The following PCDHGA2 variants were observed in gnomAD, a reference collection of about 807,000 sequenced individuals.
The protein encoded by PCDHGA2 is protocadherin gamma subfamily A, 2.
In PCDHGA2, 40 loss-of-function variants were observed where a neutral mutation model predicts 59.2. The ratio of observed to expected loss-of-function variants is 0.68; its 90% confidence interval spans 0.52 to 0.88. The LOEUF is 0.88. Among genes scored for constraint, PCDHGA2 ranks in the 40% least tolerant of loss-of-function variants. The probability of loss-of-function intolerance (pLI) is 0.00; values close to 1 mark genes in which losing one functional copy is unlikely to be tolerated. For missense variants in PCDHGA2, 1,226 were observed against 1,204.0 expected, an observed-to-expected ratio of 1.02 and a Z score of -0.27; for synonymous variants, 560 against 526.0, an observed-to-expected ratio of 1.06 and a Z score of -0.89.
intron 1 of PCDHGA2, chr5:141,364,361 G>A (rs1763280046): frequency 1.3e-6 from 2 of 1,559,560 alleles, no homozygotes; most frequent in Middle Eastern, 1.7e-4. Context: ...CTGGGGCTGC[G>A]GAGAGCTGCT....
chr5:141,404,752 G>C, intron 1 of PCDHGA2: 1 of 1,614,010 alleles, frequency 6.2e-7, no homozygotes, highest in Non-Finnish European at 8.5e-7. Flanking sequence ...ACTCAGGCCA[G>C]AATGCTTGGC....
chr5:141,410,849 C>CTTTTTTTTTGTTTTTTTT (rs2095433801), intron 1 of PCDHGA2: 1 of 129,786 alleles, frequency 7.7e-6, no homozygotes, highest in African/African-American at 6.0e-5. Context: ...TTGTCTTTGT[C>CTTTTTTTTTGTTTTTTTT]TTTTTTTTTT....
intron 1 of PCDHGA2, chr5:141,441,162 G>T (rs1009205566): frequency 6.6e-6 from 1 of 152,166 alleles, no homozygotes; most frequent in African/African-American, 2.4e-5. Context: ...TCCTAGAGGC[G>T]ATTTTTACTT....
chr5:141,370,392 G>A (rs773955179), intron 1 of PCDHGA2: 5 of 1,544,672 alleles, frequency 3.2e-6, no homozygotes, highest in Non-Finnish European at 4.4e-6. Context: ...CGCAGAGAGC[G>A]GGATGGGAAA....
In PCDHGA2 at chr5:141,360,370, C is replaced by T. The variant is rs115198789; in HGVS notation, c.2424+18975C>T. 18 of 1,613,810 alleles carry T rather than the reference C, an allele frequency of 1.1e-5. No homozygotes were observed. The highest frequency in any genetic ancestry group is 1.4e-5 in the Non-Finnish European group (17 of 1,179,800). On this transcript the variant is annotated intron_variant, in intron 1 of 3. Coordinates refer to ENST00000394576, the MANE Select transcript of PCDHGA2 (RefSeq NM_018915.4). ...GGAGAAGGAATATTTCACAGTAAAC[C>T]CAGAAAGCGGAGACTTACTTGTGAG...
intron 1 of PCDHGA2, chr5:141,409,042 C>A: frequency 5.0e-6 from 8 of 1,614,034 alleles, no homozygotes; most frequent in Middle Eastern, 1.6e-4. Context: ...TAAACTACTA[C>A]TTCCGAAGCA....
intron 1 of PCDHGA2, among the ~76,000 whole-genome samples, chr5:141,465,687 T>C (rs1290838979): frequency 1.3e-5 from 2 of 152,248 alleles, no homozygotes; most frequent in Non-Finnish European, 2.9e-5. Flanking sequence ...TTGACCAGTC[T>C]GCTTTTGCAT....
chr5:141,422,328 TGCTCTTCTAAA>T (rs2096641385), intron 1 of PCDHGA2: 1 of 1,548,384 alleles, frequency 6.5e-7, no homozygotes, highest in Admixed American at 2.1e-5. Flanking sequence ...GTACAGTGAT[TGCTCTTCTAAA>T]TGTGCAAGAT....
intron 1 of PCDHGA2, chr5:141,371,868 G>A (rs755178809): frequency 2.5e-6 from 4 of 1,613,510 alleles, no homozygotes; most frequent in Non-Finnish European, 3.4e-6. Context: ...CTACTACATC[G>A]TGGCCAGTGA....
chr5:141,419,435 C>T, intron 1 of PCDHGA2: 1 of 1,613,226 alleles, frequency 6.2e-7, no homozygotes, highest in Non-Finnish European at 8.5e-7. Context: ...CGAGCAGCTG[C>T]GCACCTTCGA....
chr5:141,364,575 G>T (rs372313739), intron 1 of PCDHGA2: 9 of 1,614,070 alleles, frequency 5.6e-6, no homozygotes, highest in East Asian at 2.2e-5. Flanking sequence ...CCGCGAAGCG[G>T]CAGCTTGGTC....
intron 1 of PCDHGA2, chr5:141,402,840 T>C: frequency 7.2e-7 from 1 of 1,388,218 alleles, no homozygotes; most frequent in Non-Finnish European, 9.5e-7. Flanking sequence ...GCAGCAAAAC[T>C]CAGCCTCTTT....
intron 1 of PCDHGA2, chr5:141,415,551 C>A (rs745641887): frequency 5.6e-6 from 9 of 1,614,014 alleles, no homozygotes; most frequent in Non-Finnish European, 7.6e-6. Context: ...GTGAGAAAAA[C>A]GATCCTTTGT....
chr5:141,409,056 C>T, intron 1 of PCDHGA2: 2 of 1,613,926 alleles, frequency 1.2e-6, no homozygotes, highest in South Asian at 1.1e-5. Context: ...CGAAGCACTG[C>T]CCAGAGCACA....
chr5:141,352,388 C>G (rs1021854619), intron 1 of PCDHGA2: 2 of 1,614,058 alleles, frequency 1.2e-6, no homozygotes, highest in Non-Finnish European at 8.5e-7. Flanking sequence ...GATCGCCCTG[C>G]GCCTGCGACG....
chr5:141,374,853 TAGGCACACCAGTGTTG>T, intron 1 of PCDHGA2: 1 of 1,613,796 alleles, frequency 6.2e-7, no homozygotes, highest in Non-Finnish European at 8.5e-7. Context: ...AACCTGCCAG[TAGGCACACCAGTGTTG>T]GCAGTGACTG....
chr5:141,346,766 A>G (rs1436711423), intron 1 of PCDHGA2, among the ~76,000 whole-genome samples: 1 of 152,194 alleles, frequency 6.6e-6, no homozygotes, highest in Non-Finnish European at 1.5e-5. Context: ...TGCTCCTTCT[A>G]CCTGGGTCCT....
intron 1 of PCDHGA2, among the ~76,000 whole-genome samples, chr5:141,483,218 A>G (rs2099578440): frequency 6.6e-6 from 1 of 152,188 alleles, no homozygotes; most frequent in Admixed American, 6.5e-5. Flanking sequence ...GATGACAGTC[A>G]CTGCAGAAAT....
chr5:141,375,818 C>A, intron 1 of PCDHGA2: 2 of 1,614,200 alleles, frequency 1.2e-6, no homozygotes, highest in Non-Finnish European at 1.7e-6. Flanking sequence ...GGAGCTGGCG[C>A]CCCGCTCCGC....
Sources: gnomAD v4.1 joint callset for allele counts (sites outside exome capture counted in the v4.1 genomes callset) on GRCh38, gnomAD v4.1.1 for gene constraint, MANE v1.5 for transcripts, NCBI Gene and HGNC (gene_info 2026-07-23, HGNC 2026-07-21) for gene names.